The following ICA1 variants were observed in gnomAD, a reference collection of about 807,000 sequenced individuals.
ICA1 encodes islet cell autoantigen 1, also known as 69 kDa islet cell autoantigen.
ICA1 carries 40 observed loss-of-function variants against 71.0 expected under a neutral mutation model. That is an observed-to-expected ratio of 0.56 (90% CI 0.44 to 0.73). The LOEUF (loss-of-function observed/expected upper bound fraction) is 0.73, where lower values mean the gene tolerates loss of function less well. ICA1 is among the 30% of genes least tolerant of loss of function. The pLI is 0.00. For missense variants in ICA1, 578 were observed against 576.5 expected (o/e 1.00, Z -0.03); for synonymous variants, 207 against 209.5 (o/e 0.99, Z 0.10).
At chr7:8,201,555 G>A (rs998065338) in intron 6 of ICA1, among the ~76,000 whole-genome samples, 1 of 152,204 alleles carries the variant, frequency 6.6e-6, no homozygotes, top group African/African-American at 2.4e-5. Context: ...TTGGGAGTCT[G>A]CAAGAGGGTT....
Position 8,113,909 on chromosome 7 carries a change from C to T in ICA1, c.*14G>A, listed in dbSNP as rs139098608. 51 of 1,614,036 alleles carry T rather than the reference C, an allele frequency of 3.2e-5. No individual in the cohort carries two copies. Among genetic ancestry groups the T allele is most frequent in the East Asian group, 8.9e-5 (4 of 44,874 alleles). Reference sequence around the variant, plus strand: ...TGGGGGCGGCATGTGAGTGCCCTCCCGAAGGGTACAGATTCATGCATTGAG... The same window carrying T: ...TGGGGGCGGCATGTGAGTGCCCTCCTGAAGGGTACAGATTCATGCATTGAG... On this transcript the variant is annotated 3_prime_UTR_variant, in exon 14 of 14. Transcript: ENST00000402384. This position sits in a 1 kb window ranked among gnomAD's most constrained non-coding sequence, Gnocchi z 4.2.
intron 8 of ICA1, among the ~76,000 whole-genome samples, chr7:8,153,979 T>C (rs1800602973): frequency 6.6e-6 from 1 of 151,662 alleles, no homozygotes; most frequent in Non-Finnish European, 1.5e-5. Context: ...TGAGCTGTTA[T>C]AATTATCAGA....
intron 2 of ICA1, 41 bp from the exon 3 acceptor site, chr7:8,232,796 A>G (rs746527111): frequency 6.3e-5 from 93 of 1,468,636 alleles, no homozygotes; most frequent in Non-Finnish European, 8.2e-5. Flanking sequence ...CACCTTTCAT[A>G]AAGATTAAGA....
intron 1 of ICA1, among the ~76,000 whole-genome samples, chr7:8,242,697 A>C (rs935317216): frequency 3.3e-5 from 5 of 152,232 alleles, no homozygotes. Context: ...AAGAGAGAAG[A>C]ATCAAACAGA....
rs566377311 is a variant in ICA1 at position 8,224,308 on chromosome 7, C to T, written c.257-2910G>A. ...CAGCAGGAACACCCAGTGCAAAAGG[C>T]CTTGGGAGTTTGGTGGACAAGGGAA... is the stretch of plus-strand genomic sequence containing the variant. On this transcript the variant is annotated intron_variant, in intron 4 of 13. Coordinates refer to ENST00000402384, the MANE Select transcript of ICA1 (RefSeq NM_001136020.3). Among the ~76,000 whole-genome samples, 8 of 152,108 alleles carry T rather than the reference C, an allele frequency of 5.3e-5. 1 individual carries two copies. The highest frequency in any genetic ancestry group is 7.2e-5 in the African/African-American group (3 of 41,482).
intron 13 of ICA1, among the ~76,000 whole-genome samples, chr7:8,126,797 T>G (rs558197498): frequency 6.6e-6 from 1 of 152,036 alleles, no homozygotes; most frequent in South Asian, 2.1e-4. Flanking sequence ...GAAAAAGTGT[T>G]GAAATACTAA....
intron 6 of ICA1, among the ~76,000 whole-genome samples, chr7:8,183,978 C>G (rs1783089482): frequency 6.6e-6 from 1 of 152,132 alleles, no homozygotes; most frequent in South Asian, 2.1e-4. Flanking sequence ...GCATTTACTA[C>G]ATAAATTTAT....
At chr7:8,189,386 T>C (rs1861034) in intron 6 of ICA1, among the ~76,000 whole-genome samples, 150,629 of 152,344 alleles carry the variant, frequency 0.99, 74,472 homozygotes, top group Middle Eastern at 1. Context: ...ACTAAGGTCC[T>C]ATGTTGGGTT....
At chr7:8,217,154 C>G (rs986045512) in intron 6 of ICA1, among the ~76,000 whole-genome samples, 3 of 152,286 alleles carry the variant, frequency 2.0e-5, no homozygotes, top group Admixed American at 2.0e-4. Context: ...CTTTTTAGTC[C>G]TGATTTTCTA....
chr7:8,122,848 C>T (rs1048125249), intron 13 of ICA1, among the ~76,000 whole-genome samples: 8 of 152,216 alleles, frequency 5.3e-5, no homozygotes, highest in South Asian at 2.1e-4. Flanking sequence ...TTCCTAACTT[C>T]GGTTTGCAGA....
chr7:8,243,212 T>G (rs1371651412), intron 1 of ICA1, among the ~76,000 whole-genome samples: 1 of 152,150 alleles, frequency 6.6e-6, no homozygotes, highest in African/African-American at 2.4e-5. Context: ...AAAAAGCTTA[T>G]CCACCACAAT....
chr7:8,224,543 C>T (rs7784520), intron 4 of ICA1, among the ~76,000 whole-genome samples: 14,577 of 152,188 alleles, frequency 0.096, 1,737 homozygotes, highest in African/African-American at 0.29. Flanking sequence ...ATTTCCCTAA[C>T]ATCCCCTAGT....
intron 1 of ICA1, among the ~76,000 whole-genome samples, chr7:8,243,219 C>T (rs974753720): frequency 1.2e-4 from 18 of 152,136 alleles, no homozygotes; most frequent in African/African-American, 4.3e-4. Context: ...TTATCCACCA[C>T]AATCAAGTCG....
chr7:8,219,759 G>C (rs190449696), intron 5 of ICA1, among the ~76,000 whole-genome samples: 1 of 152,324 alleles, frequency 6.6e-6, no homozygotes, highest in East Asian at 1.9e-4. Context: ...ACAAACACTG[G>C]TGTGAAGGTT....
At chr7:8,146,882 G>GCACACA (rs144575495) in intron 8 of ICA1, among the ~76,000 whole-genome samples, 19 of 139,450 alleles carry the variant, frequency 1.4e-4, no homozygotes, top group African/African-American at 3.7e-4. Flanking sequence ...ACACACACAC[G>GCACACA]CACACACACA....
intron 8 of ICA1, among the ~76,000 whole-genome samples, chr7:8,153,348 T>C (rs2128176496): frequency 6.6e-6 from 1 of 152,294 alleles, no homozygotes; most frequent in African/African-American, 2.4e-5. Context: ...GACAGGCCCC[T>C]GGATGAGTAT....
intron 4 of ICA1, among the ~76,000 whole-genome samples, chr7:8,225,642 A>T: frequency 6.6e-6 from 1 of 152,188 alleles, no homozygotes; most frequent in Non-Finnish European, 1.5e-5. Context: ...AAATATATGA[A>T]TGTACACTAA....
intron 6 of ICA1, among the ~76,000 whole-genome samples, chr7:8,172,004 C>T (rs79289859): frequency 0.021 from 3,160 of 151,974 alleles, 90 homozygotes; most frequent in East Asian, 0.067. Context: ...TTTATTCAGA[C>T]CTGTTTTATA....
At chr7:8,229,825 A>G (rs1425050748) in intron 3 of ICA1, among the ~76,000 whole-genome samples, 2 of 152,218 alleles carry the variant, frequency 1.3e-5, no homozygotes, top group African/African-American at 4.8e-5. Context: ...CCATAAAACA[A>G]AAGAGAAAAT....
Sources: allele counts gnomAD v4.1 joint callset (sites outside exome capture counted in the v4.1 genomes callset), GRCh38; gene constraint gnomAD v4.1.1; non-coding constraint Gnocchi (gnomAD v3.1); transcripts MANE v1.5; gene names NCBI Gene and HGNC (gene_info 2026-07-23, HGNC 2026-07-21).